Variants in SHARPIN observed in about 807,000 individuals in gnomAD.
The protein encoded by SHARPIN is hSIPL1.
In SHARPIN, 25 loss-of-function variants were observed where a neutral mutation model predicts 40.3. That is an observed-to-expected ratio of 0.62 (90% CI 0.45 to 0.87). The LOEUF (loss-of-function observed/expected upper bound fraction) is 0.87. Ranked by LOEUF, SHARPIN falls within the 40% of genes least tolerant of loss-of-function variation. The pLI is 0.00. For synonymous variants in SHARPIN, 274 were observed against 221.8 expected (o/e 1.24, Z -2.09); for missense variants, 551 against 516.1 (o/e 1.07, Z -0.66).
In SHARPIN at chr8:144,099,828, G is replaced by A. The variant is rs1836251278; in HGVS notation, c.534C>T (p.Ser178=). The A allele has an allele frequency of 1.2e-6, 2 of 1,612,366 alleles. No homozygotes were observed. The highest frequency in any genetic ancestry group is 1.3e-5 in the African/African-American group (1 of 74,918). The change falls in exon 4 of 9, where the codon AGC becomes AGT. Residue 178 remains serine, a synonymous_variant. Coordinates refer to ENST00000398712, the MANE Select transcript of SHARPIN (RefSeq NM_030974.4). ...CTCCACCTGCAATAGCCCGGGCCAG[G>A]CTCCCTGCCAGCTCTTCTGCAGGGT... ...NLTEREELAG[S]LARAIAGGDE...
intron 3 of SHARPIN, 30 bp from the exon 4 acceptor site, chr8:144,099,874 C>T (rs1264367041): frequency 6.2e-7 from 1 of 1,611,396 alleles, no homozygotes; most frequent in Non-Finnish European, 8.5e-7. Flanking sequence ...CAGCTGTCAC[C>T]ACTGGGGACT....
At position 144,099,115 on chromosome 8, in the gene SHARPIN, TG is replaced by T; in HGVS notation, c.1012del (p.Gln338SerfsTer74). The T allele has an allele frequency of 1.3e-6, 2 of 1,584,996 alleles. No homozygotes were observed. Among genetic ancestry groups the T allele is most frequent in the Non-Finnish European group, 1.7e-6 (2 of 1,166,782 alleles). ...ACTGGGCAGGCTGGAGGCAGCTGGC[TG>T]GGGGCCTGGGGGTAGCCCCAATGAT... is the stretch of plus-strand genomic sequence containing the variant. The part of the protein sequence containing the change: ...PPSLGLPPGP[Q>X]PAASSLPSPL... On this transcript the variant is annotated frameshift_variant, in exon 7 of 9. Transcript: ENST00000398712. LOFTEE classifies it high-confidence loss of function.
chr8:144,101,271 C>G (rs1311138835), intron 2 of SHARPIN, among the ~76,000 whole-genome samples: 1 of 149,556 alleles, frequency 6.7e-6, no homozygotes, highest in African/African-American at 2.5e-5. Flanking sequence ...GGATCTCGCT[C>G]TGTCACCCAG....
chr8:144,100,791 C>T (rs971709308), intron 2 of SHARPIN: 13 of 152,124 alleles, frequency 8.5e-5, no homozygotes, highest in African/African-American at 3.1e-4. Flanking sequence ...ATGCCATGAC[C>T]TTCAAATTTC....
rs1333515360 is a variant in SHARPIN at position 144,103,722 on chromosome 8, G to A, written c.32C>T (p.Ala11Val). 12 of 1,400,910 alleles carry A rather than the reference G, an allele frequency of 8.6e-6. No homozygotes were observed. The highest frequency in any genetic ancestry group is 9.2e-6 in the Non-Finnish European group (10 of 1,083,528). The allele number at this position is 1,400,910 out of a possible 1,614,324, so 86.8% of individuals were successfully genotyped here. The change falls in exon 1 of 9, where the codon GCG becomes GTG. Residue 11 changes from alanine to valine, a missense_variant. Ala to Val is a moderately conservative substitution (Grantham distance 64). Transcript: ENST00000398712. The part of the protein sequence containing the change: MAPPAGGAAA[A>V]ASDLGSAAVL... ...TGCGGCGGAGCCCAAGTCCGAGGCC[G>A]CCGCCGCCGCCCCGCCCGCTGGCGG...
intron 2 of SHARPIN, chr8:144,102,673 C>CT (rs1836312139): frequency 2.9e-6 from 1 of 346,688 alleles, no homozygotes; most frequent in South Asian, 2.7e-5. Context: ...CAGGAGGTAT[C>CT]TGAGTCTGTC....
At position 144,103,747 on chromosome 8, in the gene SHARPIN, G is replaced by A. The variant is rs1341680889; in HGVS notation, c.7C>T (p.Pro3Ser). 2.2e-6 allele frequency: 3 copies of A among 1,377,456 alleles called. No individual in the cohort carries two copies. The highest frequency in any genetic ancestry group is 3.5e-5 in the Admixed American group (1 of 28,430). 85.3% of individuals were successfully genotyped at this position (1,377,456 alleles called of 1,614,324 possible). The change falls in exon 1 of 9, where the codon CCG (proline) becomes TCG (serine). Residue 3 changes from proline (P) to serine (S), a missense_variant. Pro to Ser is a moderately conservative substitution (Grantham distance 74). Transcript: ENST00000398712. ...GCCGCCGCCGCCCCGCCCGCTGGCG[G>A]CGCCATCTCCGGTCCGGCCGGGTCC... MAPPAGGAAAAAS... is the reference protein window; with the variant it reads MASPAGGAAAAAS...
At chr8:144,099,485 A>G (rs1836241220) in intron 5 of SHARPIN, 25 bp downstream of exon 5, 17 of 1,610,220 alleles carry the variant, frequency 1.1e-5, no homozygotes, top group Non-Finnish European at 1.3e-5. Flanking sequence ...TGCCCCTGGC[A>G]GGGCTCCCCA....
rs1403551039 is a variant in SHARPIN at position 144,103,714 on chromosome 8, C to A, written c.40G>T (p.Asp14Tyr). The change falls in exon 1 of 9, where the codon GAC becomes TAC. Residue 14 changes from aspartate to tyrosine, a missense_variant. By Grantham distance (160) the Asp-to-Tyr change is radical. Transcript: ENST00000398712. ...PAGGAAAAASDLGSAAVLLAV... is the reference protein window; with the variant it reads ...PAGGAAAAASYLGSAAVLLAV... ...AAGAGCACTGCGGCGGAGCCCAAGTCCGAGGCCGCCGCCGCCGCCCCGCCC... is the reference window on the plus strand; with the variant it reads ...AAGAGCACTGCGGCGGAGCCCAAGTACGAGGCCGCCGCCGCCGCCCCGCCC... 2 of 1,411,696 alleles carry A rather than the reference C, an allele frequency of 1.4e-6. No individual in the cohort carries two copies. The highest frequency in any genetic ancestry group is 1.8e-6 in the Non-Finnish European group (2 of 1,089,272). 87.4% of individuals were successfully genotyped at this position (1,411,696 alleles called of 1,614,324 possible).
Position 144,101,478 on chromosome 8 carries a change from G to A in SHARPIN, c.377-1409C>T, listed in dbSNP as rs1460016627. ...GGCTGGAGTGCAGTGGTGCAATCTC[G>A]GCTCACTGCAAGCTCCACCTCCTGG... On this transcript the variant is annotated intron_variant, in intron 2 of 8. Transcript: ENST00000398712. Among the ~76,000 whole-genome samples the A allele has an allele frequency of 2.1e-5, 3 of 142,354 alleles. No individual in the cohort carries two copies. In the South Asian group the frequency reaches 6.6e-4, roughly 31 times the overall value. 93.4% of individuals were successfully genotyped at this position (142,354 alleles called of 152,430 possible). A position where few individuals can be genotyped will look rare whatever the true frequency, so the allele number is the denominator to read the frequency against.
At chr8:144,099,882 A>C (rs981865551) in intron 3 of SHARPIN, 38 bp from the exon 4 acceptor site, 1 of 1,610,120 alleles carries the variant, frequency 6.2e-7, no homozygotes, top group African/African-American at 1.3e-5. Context: ...ACCACTGGGG[A>C]CTATCTGCTA....
intron 2 of SHARPIN, among the ~76,000 whole-genome samples, chr8:144,101,705 C>T (rs528034676): frequency 4.6e-5 from 7 of 151,750 alleles, no homozygotes; most frequent in Admixed American, 6.6e-5. Flanking sequence ...TGTGAGCCAC[C>T]GTGCCCGGCC....
At chr8:144,102,910 G>T in intron 2 of SHARPIN, 141 bp downstream of exon 2, 1 of 1,001,602 alleles carries the variant, frequency 1.0e-6, no homozygotes, top group Non-Finnish European at 1.5e-6. Flanking sequence ...AGTACTCCAA[G>T]CTACTCCAGG....
At chr8:144,102,961 C>T in intron 2 of SHARPIN, 90 bp downstream of exon 2, 1 of 1,497,458 alleles carries the variant, frequency 6.7e-7, no homozygotes, top group South Asian at 1.1e-5. Context: ...AGACATCCAG[C>T]AGTGGGGAAG....
In SHARPIN at chr8:144,099,223, A is replaced by G; in HGVS notation, c.923-18T>C. On this transcript the variant is annotated intron_variant, in intron 6 of 8. Transcript: ENST00000398712. ...TCCTGTGGCTGAGGGGGTGGAGCTC[A>G]GGACTGTGGGGCTGCACCCCACCTC... The G allele has an allele frequency of 6.2e-7, 1 of 1,611,372 alleles. No homozygotes were observed. The highest frequency in any genetic ancestry group is 8.5e-7 in the Non-Finnish European group (1 of 1,178,732).
rs1836225405 is a variant in SHARPIN, at chr8:144,098,990, C to T, written c.1052G>A (p.Ser351Asn). ...GAAGGTGCAGGAAGGACAGGACCAG[C>T]TGGGCTGGGGGAAGAGAGACAGTTG... ...ASSLPSPLQP[S>N]WSCPSCTFIN... Residue 351 changes from serine (S) to asparagine (N), a missense_variant, in exon 8 of 9, where the codon AGC (serine) becomes AAC (asparagine). Coordinates refer to ENST00000398712, the MANE Select transcript of SHARPIN (RefSeq NM_030974.4). The T allele has an allele frequency of 6.2e-7, 1 of 1,602,602 alleles. No homozygotes were observed. Among genetic ancestry groups the T allele is most frequent in the Non-Finnish European group, 8.5e-7 (1 of 1,176,800 alleles).
chr8:144,101,421 T>TC (rs1260978041), intron 2 of SHARPIN, among the ~76,000 whole-genome samples: 6 of 145,750 alleles, frequency 4.1e-5, no homozygotes, highest in Admixed American at 4.1e-4. Flanking sequence ...TTTTTTTTTT[T>TC]TTTGTGAGAT....
Position 144,103,235 on chromosome 8 carries a change from G to A in SHARPIN, c.202-10C>T, listed in dbSNP as rs747101211. On this transcript the variant is annotated splice_polypyrimidine_tract_variant and intron_variant, in intron 1 of 8. Transcript: ENST00000398712. ...GCCACTCCAAATTAACCTGAGAAGAGGGAGAGTCCAGGCTCAGGGCGTCCC... is the reference window on the plus strand; with the variant it reads ...GCCACTCCAAATTAACCTGAGAAGAAGGAGAGTCCAGGCTCAGGGCGTCCC... 2.5e-6 allele frequency: 4 copies of A among 1,596,248 alleles called. No individual in the cohort carries two copies. Among genetic ancestry groups the A allele is most frequent in the East Asian group, 4.5e-5 (2 of 44,732 alleles).
Position 144,099,609 on chromosome 8 carries a change from G to A in SHARPIN, c.669C>T (p.Val223=), listed in dbSNP as rs1363545622. The part of the protein sequence containing the change: ...CFPPGPIRLQ[V]TLEDAASAAS... ...CGGCAGAGGCAGCGTCTTCAAGTGT[G>A]ACCTGCAGCCTGTGCCAGAATGTGG... is the stretch of plus-strand genomic sequence containing the variant. The change falls in exon 5 of 9, where the codon GTC becomes GTT. Residue 223 remains valine, a synonymous_variant. Transcript: ENST00000398712. The A allele has an allele frequency of 6.2e-7, 1 of 1,613,892 alleles. No individual in the cohort carries two copies. Among genetic ancestry groups the A allele is most frequent in the African/African-American group, 1.3e-5 (1 of 74,936 alleles).
Sources: allele counts gnomAD v4.1 joint callset (sites outside exome capture counted in the v4.1 genomes callset), GRCh38; gene constraint gnomAD v4.1.1; transcripts MANE v1.5; gene names NCBI Gene and HGNC (gene_info 2026-07-23, HGNC 2026-07-21).